UVRAG: variants seen among roughly 807,000 people sequenced by gnomAD.
UVRAG encodes the protein UV radiation resistance associated, also known as UV radiation resistance-associated gene protein.
In UVRAG, 19 loss-of-function variants were observed where a neutral mutation model predicts 78.0. That is an observed-to-expected ratio of 0.24 (90% confidence interval 0.17 to 0.36). UVRAG has a LOEUF of 0.36. UVRAG is among the 10% of genes least tolerant of loss of function. UVRAG has a pLI of 1.00. For missense variants in UVRAG, 740 were observed against 853.8 expected (o/e 0.87, Z 1.66); for synonymous variants, 323 against 324.6 (o/e 1.00, Z 0.05).
chr11:76,060,276 T>C (rs1040209672), intron 12 of UVRAG, among the ~76,000 whole-genome samples: 1 of 152,262 alleles, frequency 6.6e-6, no homozygotes, highest in Non-Finnish European at 1.5e-5. Context: ...TTTTTGGTAC[T>C]TTACTTACCA....
intron 3 of UVRAG, among the ~76,000 whole-genome samples, chr11:75,873,291 T>G (rs189108175): frequency 6.6e-6 from 1 of 152,354 alleles, no homozygotes; most frequent in African/African-American, 2.4e-5. Context: ...TTAATATTTT[T>G]GACCCCAAAG....
chr11:76,023,047 T>A (rs1041971915), intron 12 of UVRAG, among the ~76,000 whole-genome samples: 1 of 152,136 alleles, frequency 6.6e-6, no homozygotes, highest in African/African-American at 2.4e-5. Flanking sequence ...TCTATACACC[T>A]CTCCTCCTCC....
intron 14 of UVRAG, among the ~76,000 whole-genome samples, chr11:76,134,268 T>G (rs1952563987): frequency 6.6e-6 from 1 of 151,306 alleles, no homozygotes; most frequent in African/African-American, 2.4e-5. Flanking sequence ...GCCTTTTTTT[T>G]TTTTTTTTTT....
chr11:76,137,163 T>C (rs1253692079), intron 14 of UVRAG: 1 of 347,038 alleles, frequency 2.9e-6, no homozygotes, highest in South Asian at 2.3e-5. Context: ...ACGCAAATCC[T>C]GTTTACTCAT....
intron 12 of UVRAG, among the ~76,000 whole-genome samples, chr11:76,039,600 C>T (rs951363068): frequency 1.3e-5 from 2 of 152,232 alleles, no homozygotes; most frequent in Non-Finnish European, 1.5e-5. Flanking sequence ...TGAGGCCAGG[C>T]GCAGTGGCTC....
intron 12 of UVRAG, among the ~76,000 whole-genome samples, chr11:76,061,297 A>G (rs2165673): frequency 0.093 from 14,115 of 152,150 alleles, 1,460 homozygotes; most frequent in African/African-American, 0.26. Context: ...AAACGCGCCA[A>G]TCAGCGCCCT....
At chr11:76,006,656 G>C (rs1413856707) in intron 9 of UVRAG, among the ~76,000 whole-genome samples, 2 of 52,874 alleles carry the variant, frequency 3.8e-5, no homozygotes, top group Non-Finnish European at 6.6e-5. Context: ...GTGAGACCCC[G>C]TCTCAAAAAA....
At chr11:75,931,500 C>T (rs1298448509) in intron 6 of UVRAG, among the ~76,000 whole-genome samples, 1 of 152,110 alleles carries the variant, frequency 6.6e-6, no homozygotes, top group East Asian at 1.9e-4. Context: ...CCAATTGCAC[C>T]TGGCATATTT....
At chr11:76,057,807 A>G (rs1320989610) in intron 12 of UVRAG, among the ~76,000 whole-genome samples, 1 of 151,894 alleles carries the variant, frequency 6.6e-6, no homozygotes, top group Non-Finnish European at 1.5e-5. Flanking sequence ...ATAATTTAGT[A>G]TGGGTCTATA....
At chr11:75,837,326 C>CAAAAA (rs753820781) in intron 1 of UVRAG, among the ~76,000 whole-genome samples, 11 of 64,446 alleles carry the variant, frequency 1.7e-4, no homozygotes, top group African/African-American at 4.5e-4. Context: ...GACTCTGTCT[C>CAAAAA]AAAAAAAAAA....
intron 1 of UVRAG, among the ~76,000 whole-genome samples, chr11:75,837,976 A>G (rs1308695985): frequency 6.6e-6 from 1 of 152,138 alleles, no homozygotes; most frequent in Non-Finnish European, 1.5e-5. Flanking sequence ...TGATTGTGCC[A>G]CCACTCGCCA....
chr11:75,852,443 A>C (rs1946174840), intron 2 of UVRAG, among the ~76,000 whole-genome samples: 1 of 152,052 alleles, frequency 6.6e-6, no homozygotes, highest in Admixed American at 6.6e-5. Context: ...ATTCAGTTTT[A>C]TATATTGTAC....
chr11:75,890,580 C>T (rs528378922), intron 5 of UVRAG, among the ~76,000 whole-genome samples: 15 of 152,212 alleles, frequency 9.9e-5, no homozygotes, highest in Admixed American at 9.2e-4. Context: ...TTGTGAGTTG[C>T]GATTTGATCC....
chr11:76,074,384 G>C (rs759510902), intron 13 of UVRAG, among the ~76,000 whole-genome samples: 5 of 152,200 alleles, frequency 3.3e-5, no homozygotes, highest in Non-Finnish European at 5.9e-5. Context: ...ATGATATGTA[G>C]TACAAGTCAG....
Position 76,140,798 on chromosome 11 carries a change from G to A in UVRAG, c.1485G>A (p.Gly495=), listed in dbSNP as rs1253891931. The A allele has an allele frequency of 1.9e-6, 3 of 1,613,918 alleles. No homozygotes were observed. Among genetic ancestry groups the A allele is most frequent in the East Asian group, 2.2e-5 (1 of 44,884 alleles). ...GTGCAGATGTAGGCTTCTCTGGGGG[G>A]ATCCCTTCACCAGACAAAGGACATC... ...FGGADVGFSG[G]IPSPDKGHRK... Residue 495 remains glycine (G), a synonymous_variant, in exon 15 of 15, where the codon GGG becomes GGA. Transcript: ENST00000356136.
In UVRAG at chr11:75,953,687, A is replaced by AT. The variant is rs61554015; in HGVS notation, c.594-7749dup. Among the ~76,000 whole-genome samples, 831 of 151,994 alleles carry AT rather than the reference A, an allele frequency of 5.5e-3. 8 individuals carry two copies. Among genetic ancestry groups the AT allele is most frequent in the African/African-American group, 0.019 (786 of 41,458 alleles). On this transcript the variant is annotated intron_variant, in intron 6 of 14. Transcript: ENST00000356136. ...CTTTATTAATAATTTACTTGACATA[A>AT]TTTTTTTTATTCAATGTATCTTTAC...
At chr11:76,071,805 A>G (rs549551152) in intron 13 of UVRAG, among the ~76,000 whole-genome samples, 2 of 152,348 alleles carry the variant, frequency 1.3e-5, no homozygotes, top group South Asian at 4.1e-4. Flanking sequence ...AGGGAAAAAA[A>G]GGAATGTCAA....
At chr11:75,941,731 T>C (rs1644317220) in intron 6 of UVRAG, among the ~76,000 whole-genome samples, 1 of 152,168 alleles carries the variant, frequency 6.6e-6, no homozygotes, top group Non-Finnish European at 1.5e-5. Flanking sequence ...GGAAATGTCA[T>C]GTTTCCACAG....
chr11:75,889,911 T>C (rs187582407), intron 5 of UVRAG, among the ~76,000 whole-genome samples: 117 of 152,338 alleles, frequency 7.7e-4, no homozygotes, highest in African/African-American at 2.6e-3. Context: ...AAAGGTCTTC[T>C]TGGGGACTTG....
Sources: allele counts gnomAD v4.1 joint callset (sites outside exome capture counted in the v4.1 genomes callset), GRCh38; gene constraint gnomAD v4.1.1; transcripts MANE v1.5; gene names NCBI Gene and HGNC (gene_info 2026-07-23, HGNC 2026-07-21).